RPP14: variants seen among roughly 807,000 people sequenced by gnomAD.
RPP14 encodes the protein ribonuclease P/MRP subunit p14.
In RPP14, 19 loss-of-function variants were observed where a neutral mutation model predicts 17.8. That is an observed-to-expected ratio of 1.07 (90% CI 0.74 to 1.57). The LOEUF is 1.57. Ranked by LOEUF, RPP14 falls within the 40% of genes most tolerant of loss-of-function variation. The pLI is 0.00. For missense variants in RPP14, 125 were observed against 140.8 expected, an observed-to-expected ratio of 0.89 and a Z score of 0.57; for synonymous variants, 60 against 56.4, an observed-to-expected ratio of 1.06 and a Z score of -0.29.
chr3:58,310,666 C>A, intron 3 of RPP14, 75 bp downstream of exon 3: 1 of 1,289,258 alleles, frequency 7.8e-7, no homozygotes, highest in Non-Finnish European at 1.1e-6. Context: ...GGCGCGGTAG[C>A]TCACGCCTGT....
At chr3:58,309,185 A>G (rs2107499442) in intron 1 of RPP14, among the ~76,000 whole-genome samples, 1 of 152,332 alleles carries the variant, frequency 6.6e-6, no homozygotes, top group Admixed American at 6.5e-5. Flanking sequence ...GACTGAGAGT[A>G]AACAAGAAGA....
In RPP14 at chr3:58,319,734, A is replaced by G. The variant is rs1212853429; in HGVS notation, c.*2238A>G. On this transcript the variant is annotated 3_prime_UTR_variant, in exon 6 of 6. Coordinates refer to ENST00000295959, the MANE Select transcript of RPP14 (RefSeq NM_007042.6). ...TCAGGGAGGTTATATTGAAGGGGAG[A>G]TGTGCCTAACATGTTACTACTAAAT... is the stretch of plus-strand genomic sequence containing the variant. 2.0e-5 allele frequency: 3 copies of G among 151,920 alleles called. No homozygotes were observed. The highest frequency in any genetic ancestry group is 7.3e-5 in the African/African-American group (3 of 41,344). The allele number at this position is 151,920 out of a possible 1,614,324, so 9.4% of individuals were successfully genotyped here.
chr3:58,307,807 G>A (rs561893457), intron 1 of RPP14: 200 of 151,960 alleles, frequency 1.3e-3, no homozygotes, highest in African/African-American at 4.6e-3. Context: ...AATTTCCCAG[G>A]TATCCTCTCC....
Position 58,318,304 on chromosome 3 carries a change from C to T in RPP14, c.*808C>T. ...AGTTTGGCCTTATGCTTCATGCAGA[C>T]TTGAGTGTATGCAGGATTTCATTAT... On this transcript the variant is annotated 3_prime_UTR_variant, in exon 6 of 6. Coordinates refer to ENST00000295959, the MANE Select transcript of RPP14 (RefSeq NM_007042.6). 1 of 508,230 alleles carries T rather than the reference C, an allele frequency of 2.0e-6. No individual in the cohort carries two copies. Among genetic ancestry groups the T allele is most frequent in the South Asian group, 3.5e-5 (1 of 28,742 alleles). 31.5% of individuals were successfully genotyped at this position (508,230 alleles called of 1,614,324 possible). A position where few individuals can be genotyped will look rare whatever the true frequency, so the allele number is the denominator to read the frequency against.
At chr3:58,317,111 T>C (rs1282080293) in intron 5 of RPP14, 118 bp downstream of exon 5, 3 of 728,474 alleles carry the variant, frequency 4.1e-6, no homozygotes, top group Non-Finnish European at 4.6e-6. Context: ...ATGATCTAAG[T>C]AGGGGAAAAT....
At position 58,319,920 on chromosome 3, in the gene RPP14, A is replaced by G. The variant is rs2097492749; in HGVS notation, c.*2424A>G. The G allele has an allele frequency of 6.6e-6, 1 of 152,122 alleles. No homozygotes were observed. Among genetic ancestry groups the G allele is most frequent in the Non-Finnish European group, 1.5e-5 (1 of 68,028 alleles). The allele number at this position is 152,122 out of a possible 1,614,324, so 9.4% of individuals were successfully genotyped here. On this transcript the variant is annotated 3_prime_UTR_variant, in exon 6 of 6. Coordinates refer to ENST00000295959, the MANE Select transcript of RPP14 (RefSeq NM_007042.6). ...CACAAAGTTGTACAACCATCACCAAATCAATTTTTTATAGCATTTTTCATC... is the reference window on the plus strand; with the variant it reads ...CACAAAGTTGTACAACCATCACCAAGTCAATTTTTTATAGCATTTTTCATC...
intron 3 of RPP14, among the ~76,000 whole-genome samples, chr3:58,312,763 C>T (rs999152084): frequency 2.6e-5 from 4 of 151,994 alleles, no homozygotes; most frequent in African/African-American, 9.7e-5. Flanking sequence ...GAGTTTGAGA[C>T]TAGCCTGGCC....
intron 1 of RPP14, among the ~76,000 whole-genome samples, chr3:58,307,462 G>A (rs2097476708): frequency 6.6e-6 from 1 of 152,222 alleles, no homozygotes; most frequent in African/African-American, 2.4e-5. Context: ...GGTGGCTCAT[G>A]CCTGTAATCC....
chr3:58,318,280 G>A lies in RPP14; in HGVS notation c.*784G>A. 1.8e-6 allele frequency: 1 copy of A among 550,694 alleles called. No homozygotes were observed. The allele number at this position is 550,694 out of a possible 1,614,324, so 34.1% of individuals were successfully genotyped here. A position where few individuals can be genotyped will look rare whatever the true frequency, so the allele number is the denominator to read the frequency against. On this transcript the variant is annotated 3_prime_UTR_variant, in exon 6 of 6. Transcript: ENST00000295959. ...GGGTTGTTCAAATGCCCACTTTCCA[G>A]TTTGGCCTTATGCTTCATGCAGACT... is the stretch of plus-strand genomic sequence containing the variant.
Position 58,306,289 on chromosome 3 carries a change from G to A in RPP14, c.-150G>A, listed in dbSNP as rs1258709543. ...GCTTCGTGGGGCGGGACGAGGAGAA[G>A]CCAAACGTAAAGACACCAGGAGTTT... On this transcript the variant is annotated 5_prime_UTR_variant, in exon 1 of 6. Transcript: ENST00000295959. 2 of 152,336 alleles carry A rather than the reference G, an allele frequency of 1.3e-5. No homozygotes were observed. The highest frequency in any genetic ancestry group is 2.9e-5 in the Non-Finnish European group (2 of 68,102). 9.4% of individuals were successfully genotyped at this position (152,336 alleles called of 1,614,324 possible).
In RPP14 at chr3:58,317,785, G is replaced by C. The variant is rs752557882; in HGVS notation, c.*289G>C. 8.5e-6 allele frequency: 6 copies of C among 702,980 alleles called. No homozygotes were observed. The highest frequency in any genetic ancestry group is 5.4e-5 in the East Asian group (2 of 37,306). 43.5% of individuals were successfully genotyped at this position (702,980 alleles called of 1,614,324 possible). A position where few individuals can be genotyped will look rare whatever the true frequency, so the allele number is the denominator to read the frequency against. ...ACAGACTGATGTGGCTACCTTCTCA[G>C]AATTAACAGGGGATGTCAATCCTTT... On this transcript the variant is annotated 3_prime_UTR_variant, in exon 6 of 6. Transcript: ENST00000295959.
chr3:58,310,965 C>CA (rs3038127), intron 3 of RPP14, among the ~76,000 whole-genome samples: 105 of 142,786 alleles, frequency 7.4e-4, no homozygotes, highest in African/African-American at 1.1e-3. Flanking sequence ...TTTCAAACAT[C>CA]AAAAAAAAAA....
In RPP14 at chr3:58,310,319, C is replaced by T. The variant is rs748609393; in HGVS notation, c.-11C>T. ...CTTGACTTACTGTAGGTGTGATCAGCACTGGAAAAGATGCCTGCCCCTGCT... is the reference window on the plus strand; with the variant it reads ...CTTGACTTACTGTAGGTGTGATCAGTACTGGAAAAGATGCCTGCCCCTGCT... On this transcript the variant is annotated 5_prime_UTR_variant, in exon 2 of 6. Transcript: ENST00000295959. 1.9e-6 allele frequency: 3 copies of T among 1,613,254 alleles called. No individual in the cohort carries two copies. Among genetic ancestry groups the T allele is most frequent in the Non-Finnish European group, 2.5e-6 (3 of 1,179,210 alleles).
rs1427083502 is a variant in RPP14, at chr3:58,306,309, G to C, written c.-130G>C. On this transcript the variant is annotated 5_prime_UTR_variant, in exon 1 of 6. Coordinates refer to ENST00000295959, the MANE Select transcript of RPP14 (RefSeq NM_007042.6). ...GAGAAGCCAAACGTAAAGACACCAGGAGTTTCTCGGGCCCAGCTGTGGCTG... is the reference window on the plus strand; with the variant it reads ...GAGAAGCCAAACGTAAAGACACCAGCAGTTTCTCGGGCCCAGCTGTGGCTG... 1 of 152,502 alleles carries C rather than the reference G, an allele frequency of 6.6e-6. No individual in the cohort carries two copies. The highest frequency in any genetic ancestry group is 1.9e-4 in the East Asian group (1 of 5,178). 9.4% of individuals were successfully genotyped at this position (152,502 alleles called of 1,614,324 possible).
rs6771473 is a variant in RPP14 at position 58,317,401 on chromosome 3, G to A, written c.319-39G>A. On this transcript the variant is annotated intron_variant, in intron 5 of 5. Transcript: ENST00000295959. ...CCCCATTGCCCTGTGCTTCAGTGTG[G>A]TTTCTCCCAATGCCTTAACCTTTTT... is the stretch of plus-strand genomic sequence containing the variant. The A allele has an allele frequency of 9.0e-3, 12,755 of 1,419,174 alleles. 978 individuals carry two copies. The African/African-American group carries it at 0.16, about 18-fold the overall frequency. The allele number at this position is 1,419,174 out of a possible 1,614,324, so 87.9% of individuals were successfully genotyped here. A position where few individuals can be genotyped will look rare whatever the true frequency, so the allele number is the denominator to read the frequency against.
rs1358172664 is a variant in RPP14, at chr3:58,317,774, C to G, written c.*278C>G. ...AGGGCCTTCACACAGACTGATGTGG[C>G]TACCTTCTCAGAATTAACAGGGGAT... On this transcript the variant is annotated 3_prime_UTR_variant, in exon 6 of 6. Transcript: ENST00000295959. 2.8e-6 allele frequency: 2 copies of G among 703,024 alleles called. No individual in the cohort carries two copies. The highest frequency in any genetic ancestry group is 1.7e-5 in the African/African-American group (1 of 57,254). The allele number at this position is 703,024 out of a possible 1,614,324, so 43.5% of individuals were successfully genotyped here. A position where few individuals can be genotyped will look rare whatever the true frequency, so the allele number is the denominator to read the frequency against.
At position 58,306,414 on chromosome 3, in the gene RPP14, G is replaced by A. The variant is rs1182660391; in HGVS notation, c.-25G>A. 6.6e-6 allele frequency: 1 copy of A among 152,324 alleles called. No individual in the cohort carries two copies. Among genetic ancestry groups the A allele is most frequent in the Admixed American group, 6.5e-5 (1 of 15,292 alleles). The allele number at this position is 152,324 out of a possible 1,614,324, so 9.4% of individuals were successfully genotyped here. On this transcript the variant is annotated 5_prime_UTR_variant, in exon 1 of 6. It adds an upstream start codon to the 5' untranslated region. Coordinates refer to ENST00000295959, the MANE Select transcript of RPP14 (RefSeq NM_007042.6). Reference sequence around the variant, plus strand: ...AGGCGTCAGGCTAGTCCGACGAAGAGTGGGTAGGTGGAAGCCTTCCAAAGA... The same window carrying A: ...AGGCGTCAGGCTAGTCCGACGAAGAATGGGTAGGTGGAAGCCTTCCAAAGA...
intron 2 of RPP14, 41 bp from the exon 3 acceptor site, chr3:58,310,466 A>G (rs2097480918): frequency 6.3e-7 from 1 of 1,595,812 alleles, no homozygotes; most frequent in African/African-American, 1.4e-5. Context: ...TCTGAATAGA[A>G]TGAAATTTAA....
At chr3:58,311,184 T>C (rs947871298) in intron 3 of RPP14, among the ~76,000 whole-genome samples, 1 of 152,112 alleles carries the variant, frequency 6.6e-6, no homozygotes, top group Non-Finnish European at 1.5e-5. Context: ...AGATGGAGTC[T>C]TGCTTTGTTG....
Sources: gnomAD v4.1 joint callset for allele counts (sites outside exome capture counted in the v4.1 genomes callset) on GRCh38, gnomAD v4.1.1 for gene constraint, MANE v1.5 for transcripts, NCBI Gene and HGNC (gene_info 2026-07-23, HGNC 2026-07-21) for gene names.